Variants in DMD observed in about 807,000 individuals in gnomAD.
DMD encodes dystrophin, also known as mutant dystrophin.
DMD carries 63 observed loss-of-function variants against 330.1 expected under a neutral mutation model. The ratio of observed to expected loss-of-function variants is 0.19; its 90% CI spans 0.16 to 0.24. The LOEUF is 0.24. DMD is among the 10% of genes least tolerant of loss of function. The pLI is 1.00. For synonymous variants in DMD, 1,223 were observed against 959.8 expected, an observed-to-expected ratio of 1.27 and a Z score of -5.07; for missense variants, 3,344 against 2,684.1, an observed-to-expected ratio of 1.25 and a Z score of -5.43.
intron 61 of DMD, among the ~76,000 whole-genome samples, chrX:31,337,126 T>C (rs754121924): frequency 6.0e-4 from 66 of 109,770 alleles, no homozygotes; most frequent in Non-Finnish European, 1.1e-3. Flanking sequence ...GGTTTCACCA[T>C]GTTGGCCAGG....
intron 1 of DMD, among the ~76,000 whole-genome samples, chrX:33,292,110 C>T (rs901739730): frequency 9.0e-6 from 1 of 111,122 alleles, no homozygotes; most frequent in Admixed American, 9.6e-5. Flanking sequence ...ACTTCCGTAA[C>T]AATCTTTGGG....
intron 50 of DMD, among the ~76,000 whole-genome samples, chrX:31,800,511 G>C (rs1024076283): frequency 6.2e-5 from 7 of 112,044 alleles, no homozygotes; most frequent in African/African-American, 2.3e-4. Flanking sequence ...TTTCCTTTTA[G>C]GCCTCTGGGC....
At chrX:32,412,640 G>T (rs955354036) in intron 29 of DMD, among the ~76,000 whole-genome samples, 10 of 111,436 alleles carry the variant, frequency 9.0e-5, no homozygotes, top group African/African-American at 3.3e-4. Context: ...TGCACAGATT[G>T]GAAAGTCTCC....
intron 7 of DMD, among the ~76,000 whole-genome samples, chrX:32,742,715 G>A (rs2069453659): frequency 8.9e-6 from 1 of 111,982 alleles, no homozygotes; most frequent in Non-Finnish European, 1.9e-5. Context: ...TGGGCAGTAG[G>A]TATAAGGAAA....
At chrX:32,511,972 T>TA (rs1215710612) in intron 18 of DMD, among the ~76,000 whole-genome samples, 3 of 111,917 alleles carry the variant, frequency 2.7e-5, no homozygotes, top group African/African-American at 9.7e-5. Context: ...AAGGCATCAG[T>TA]AAATCAATGT....
intron 1 of DMD, among the ~76,000 whole-genome samples, chrX:33,305,766 A>C (rs1422039112): frequency 2.7e-5 from 3 of 111,134 alleles, no homozygotes; most frequent in African/African-American, 9.8e-5. Context: ...CATAAGTCAC[A>C]TTATAGAGCA....
At chrX:32,054,130 AGAGAG>A (rs1425058718) in intron 44 of DMD, among the ~76,000 whole-genome samples, 32 of 99,366 alleles carry the variant, frequency 3.2e-4, no homozygotes, top group Admixed American at 6.6e-4. Context: ...AGAGAGAGAG[AGAGAG>A]AAGAGGACTG....
intron 7 of DMD, among the ~76,000 whole-genome samples, chrX:32,704,827 A>T (rs981650368): frequency 8.9e-6 from 1 of 112,535 alleles, no homozygotes; most frequent in Non-Finnish European, 1.9e-5. Context: ...AGAAAGGCCT[A>T]TATGTTGGCA....
chrX:31,420,750 T>C (rs2063325390), intron 60 of DMD, among the ~76,000 whole-genome samples: 1 of 112,504 alleles, frequency 8.9e-6, no homozygotes, highest in Admixed American at 9.4e-5. Flanking sequence ...GTTCATAACA[T>C]GTAACAAAGT....
intron 11 of DMD, among the ~76,000 whole-genome samples, chrX:32,642,184 T>A (rs192979640): frequency 8.9e-5 from 10 of 112,039 alleles, no homozygotes; most frequent in African/African-American, 3.2e-4. Context: ...CTGTTATTTA[T>A]AAACTCTCAT....
At chrX:31,196,858 A>G (rs2042954690) in intron 67 of DMD, among the ~76,000 whole-genome samples, 1 of 76,645 alleles carries the variant, frequency 1.3e-5, no homozygotes, top group Admixed American at 1.6e-4. Context: ...AAAAAAAAAA[A>G]AAAAAAAAAG....
At chrX:31,520,618 C>A (rs1383673530) in intron 55 of DMD, among the ~76,000 whole-genome samples, 1 of 111,898 alleles carries the variant, frequency 8.9e-6, no homozygotes, top group African/African-American at 3.2e-5. Context: ...GACCCTTAGA[C>A]CATCTCACTG....
At chrX:31,844,605 A>T (rs2093379127) in intron 48 of DMD, among the ~76,000 whole-genome samples, 1 of 111,818 alleles carries the variant, frequency 8.9e-6, no homozygotes, top group Non-Finnish European at 1.9e-5. Context: ...GAATCTGTAG[A>T]TTGCTTTAAG....
intron 3 of DMD, among the ~76,000 whole-genome samples, chrX:32,849,038 A>C (rs2080918481): frequency 9.0e-6 from 1 of 111,448 alleles, no homozygotes; most frequent in Admixed American, 9.6e-5. Context: ...AAGGGCAAAG[A>C]TAAGAGACGA....
chrX:32,936,266 C>A (rs1021005195), intron 2 of DMD, among the ~76,000 whole-genome samples: 1 of 110,302 alleles, frequency 9.1e-6, no homozygotes, highest in East Asian at 2.9e-4. Context: ...CATGCACCAC[C>A]ACGCCTGGCT....
chrX:32,018,107 G>A (rs1193228119), intron 44 of DMD, among the ~76,000 whole-genome samples: 1 of 111,411 alleles, frequency 9.0e-6, no homozygotes, highest in Non-Finnish European at 1.9e-5. Context: ...GCTTCTTCCT[G>A]TCTTACTCCA....
chrX:32,681,147 C>G (rs1027242709), intron 9 of DMD, among the ~76,000 whole-genome samples: 2 of 111,612 alleles, frequency 1.8e-5, no homozygotes, highest in African/African-American at 6.5e-5. Context: ...TTTAGTAATA[C>G]CATTTATTGA....
Position 31,868,524 on chromosome X carries a change from C to T in DMD, c.7098+6664G>A, listed in dbSNP as rs2093837751. Among the ~76,000 whole-genome samples the T allele has an allele frequency of 2.7e-5, 3 of 111,621 alleles. No homozygotes were observed. The South Asian group carries it at 1.1e-3, about 41-fold the overall frequency. On this transcript the variant is annotated intron_variant, in intron 48 of 78. Coordinates refer to ENST00000357033, the MANE Select transcript of DMD (RefSeq NM_004006.3). Reference sequence around the variant, plus strand: ...AAAAAATATATAACCAAGGCTTTGACTGGAATGTCATATTTGAGAATTAAG... The same window carrying T: ...AAAAAATATATAACCAAGGCTTTGATTGGAATGTCATATTTGAGAATTAAG...
chrX:33,052,648 A>C (rs947882207), intron 1 of DMD, among the ~76,000 whole-genome samples: 24 of 111,993 alleles, frequency 2.1e-4, no homozygotes, highest in African/African-American at 6.8e-4. Context: ...CAATAAAATT[A>C]TATATTTTGA....
Sources: allele counts gnomAD v4.1 joint callset (sites outside exome capture counted in the v4.1 genomes callset), GRCh38; gene constraint gnomAD v4.1.1; transcripts MANE v1.5; gene names NCBI Gene and HGNC (gene_info 2026-07-23, HGNC 2026-07-21).